The following RGL1 variants were observed in gnomAD, a reference collection of about 807,000 sequenced individuals.
The protein encoded by RGL1 is ral guanine nucleotide dissociation stimulator-like 1.
Under a neutral mutation model 95.2 loss-of-function variants are expected in RGL1, and 24 were observed. That is an observed-to-expected ratio of 0.25 (90% CI 0.18 to 0.35). The LOEUF is 0.35. Among genes scored for constraint, RGL1 ranks in the 10% least tolerant of loss-of-function variants. The probability of loss-of-function intolerance (pLI) is 1.00; values close to 1 mark genes in which losing one functional copy is unlikely to be tolerated. For synonymous variants in RGL1, 329 were observed against 344.9 expected (o/e 0.95, Z 0.51); for missense variants, 715 against 936.3 (o/e 0.76, Z 3.08).
intron 1 of RGL1, among the ~76,000 whole-genome samples, chr1:183,675,962 G>A (rs1487787269): frequency 5.9e-5 from 9 of 152,034 alleles, no homozygotes; most frequent in Non-Finnish European, 1.3e-4. Context: ...CCTCGGCAAC[G>A]TAATGAGCAC....
chr1:183,793,638 A>G (rs1253742378), intron 2 of RGL1, among the ~76,000 whole-genome samples: 1 of 152,196 alleles, frequency 6.6e-6, no homozygotes, highest in African/African-American at 2.4e-5. Context: ...CATTTCTCAA[A>G]AAAAGACATA....
chr1:183,773,953 AAG>A (rs1235626758), intron 2 of RGL1, among the ~76,000 whole-genome samples: 7 of 3,574 alleles, frequency 2.0e-3, no homozygotes, highest in Non-Finnish European at 0.019. Context: ...AGACTTGGGA[AAG>A]AAAAAAAAAA....
chr1:183,855,277 CT>C (rs1009918757), intron 3 of RGL1, among the ~76,000 whole-genome samples: 6 of 152,166 alleles, frequency 3.9e-5, no homozygotes, highest in African/African-American at 1.2e-4. Flanking sequence ...TAATGAAAAC[CT>C]TTTCCCCCCG....
At chr1:183,860,851 C>T (rs1665469653) in intron 3 of RGL1, among the ~76,000 whole-genome samples, 1 of 152,100 alleles carries the variant, frequency 6.6e-6, no homozygotes, top group Non-Finnish European at 1.5e-5. Flanking sequence ...AGTACCTGTA[C>T]GTAGTCCTTA....
intron 2 of RGL1, among the ~76,000 whole-genome samples, chr1:183,776,304 A>G (rs1387547645): frequency 6.6e-6 from 1 of 151,178 alleles, no homozygotes; most frequent in Non-Finnish European, 1.5e-5. Context: ...GCCCGCTACC[A>G]CGCCCGGCTA....
At chr1:183,759,763 A>C (rs928819076) in intron 2 of RGL1, among the ~76,000 whole-genome samples, 1 of 152,304 alleles carries the variant, frequency 6.6e-6, no homozygotes, top group Admixed American at 6.5e-5. Flanking sequence ...CCACCTGAAT[A>C]TGACATGATG....
At chr1:183,815,175 G>A (rs1662002119) in intron 2 of RGL1, among the ~76,000 whole-genome samples, 1 of 152,056 alleles carries the variant, frequency 6.6e-6, no homozygotes, top group African/African-American at 2.4e-5. Context: ...TGGGGAGGTT[G>A]AGGCAGGAGA....
At chr1:183,703,286 G>T (rs1055444965) in intron 1 of RGL1, among the ~76,000 whole-genome samples, 1 of 152,192 alleles carries the variant, frequency 6.6e-6, no homozygotes, top group Non-Finnish European at 1.5e-5. Flanking sequence ...CTTAATTTTG[G>T]GGGTATTTTT....
At chr1:183,783,567 T>C (rs1260468594) in intron 2 of RGL1, among the ~76,000 whole-genome samples, 3 of 152,162 alleles carry the variant, frequency 2.0e-5, no homozygotes, top group Non-Finnish European at 2.9e-5. Context: ...CTATTACTCA[T>C]TTTGTGAAAT....
At chr1:183,857,573 C>T (rs1025289960) in intron 3 of RGL1, among the ~76,000 whole-genome samples, 4 of 152,026 alleles carry the variant, frequency 2.6e-5, no homozygotes, top group African/African-American at 7.3e-5. Context: ...TGTTCAGTTT[C>T]GGTCCACACA....
At chr1:183,784,218 G>A (rs1050294096) in intron 2 of RGL1, among the ~76,000 whole-genome samples, 3 of 152,188 alleles carry the variant, frequency 2.0e-5, no homozygotes, top group Non-Finnish European at 4.4e-5. Context: ...AGAATATGGC[G>A]ATAGATGACA....
chr1:183,705,620 T>C (rs1055077197), intron 1 of RGL1, among the ~76,000 whole-genome samples: 1 of 152,094 alleles, frequency 6.6e-6, no homozygotes, highest in African/African-American at 2.4e-5. Flanking sequence ...GTTTTGGGAA[T>C]CAGGGTGTAA....
intron 1 of RGL1, among the ~76,000 whole-genome samples, chr1:183,708,370 TC>T (rs1364818492): frequency 2.0e-5 from 3 of 152,116 alleles, no homozygotes; most frequent in African/African-American, 7.2e-5. Context: ...CCCTCACTGA[TC>T]TCTCCCAAAT....
intron 3 of RGL1, among the ~76,000 whole-genome samples, chr1:183,865,625 T>C (rs561816070): frequency 5.3e-4 from 81 of 152,160 alleles, no homozygotes; most frequent in African/African-American, 1.9e-3. Flanking sequence ...TGCAGAGGGG[T>C]TGGACGGGAG....
At chr1:183,918,613 TCA>T (rs921299949) in intron 16 of RGL1, among the ~76,000 whole-genome samples, 6 of 151,876 alleles carry the variant, frequency 4.0e-5, no homozygotes, top group Admixed American at 3.9e-4. Context: ...CCAGGAGGAG[TCA>T]CAGGTTGTGC....
chr1:183,918,699 G>A (rs1242036068), intron 16 of RGL1, among the ~76,000 whole-genome samples: 3 of 152,162 alleles, frequency 2.0e-5, no homozygotes, highest in Non-Finnish European at 4.4e-5. Context: ...TCCTTCCCCA[G>A]CAAATGGGCT....
At chr1:183,807,444 CTGAA>C (rs1345839729) in intron 2 of RGL1, among the ~76,000 whole-genome samples, 1 of 152,212 alleles carries the variant, frequency 6.6e-6, no homozygotes, top group Non-Finnish European at 1.5e-5. Flanking sequence ...CTTGGAGTCT[CTGAA>C]AATTCAGAAT....
chr1:183,817,274 C>G (rs777861352), intron 2 of RGL1, among the ~76,000 whole-genome samples: 37 of 152,180 alleles, frequency 2.4e-4, no homozygotes, highest in Admixed American at 1.2e-3. Flanking sequence ...TTGAGTAGTC[C>G]TGTTGCTGCT....
chr1:183,800,846 ATACT>A (rs1660947506), upstream of RGL1, among the ~76,000 whole-genome samples: 1 of 152,104 alleles, frequency 6.6e-6, no homozygotes, highest in African/African-American at 2.4e-5. Flanking sequence ...TTTCTTTTTA[ATACT>A]TAATAATACC....
Sources: allele counts gnomAD v4.1 joint callset (sites outside exome capture counted in the v4.1 genomes callset), GRCh38; gene constraint gnomAD v4.1.1; transcripts MANE v1.5; gene names NCBI Gene and HGNC (gene_info 2026-07-23, HGNC 2026-07-21).